LRP1B: variants seen among roughly 807,000 people sequenced by gnomAD.
LRP1B encodes LDL receptor related protein 1B.
In LRP1B, 217 loss-of-function variants were observed where a neutral mutation model predicts 556.6. That is an observed-to-expected ratio of 0.39 (90% confidence interval 0.35 to 0.44). The LOEUF (loss-of-function observed/expected upper bound fraction) is 0.44. Among genes scored for constraint, LRP1B ranks in the 20% least tolerant of loss-of-function variants. The pLI is 1.00. For synonymous variants in LRP1B, 2,047 were observed against 1,865.8 expected, an observed-to-expected ratio of 1.10 and a Z score of -2.50; for missense variants, 5,053 against 5,620.8, an observed-to-expected ratio of 0.90 and a Z score of 3.23.
chr2:141,793,530 C>A (rs193280930), intron 2 of LRP1B, among the ~76,000 whole-genome samples: 83 of 151,972 alleles, frequency 5.5e-4, no homozygotes, highest in Admixed American at 5.4e-3. Flanking sequence ...ATTTAAAAAT[C>A]ACTCAAAGTT....
At chr2:140,918,411 C>T (rs1226415784) in intron 21 of LRP1B, among the ~76,000 whole-genome samples, 1 of 151,962 alleles carries the variant, frequency 6.6e-6, no homozygotes, top group Admixed American at 6.6e-5. Flanking sequence ...TCTCACTCCT[C>T]AAATGCATGA....
At chr2:140,353,230 G>T (rs537933964) in intron 75 of LRP1B, among the ~76,000 whole-genome samples, 158 bp from the exon 76 acceptor site, 1 of 152,062 alleles carries the variant, frequency 6.6e-6, no homozygotes, top group African/African-American at 2.4e-5. Flanking sequence ...ATTTTTGAAG[G>T]TATAATCATT....
At chr2:140,573,203 AT>A (rs1681395409) in intron 43 of LRP1B, among the ~76,000 whole-genome samples, 1 of 151,918 alleles carries the variant, frequency 6.6e-6, no homozygotes, top group Non-Finnish European at 1.5e-5. Context: ...TAATTTCATC[AT>A]TACATACTGT....
At chr2:141,843,109 G>T (rs951504740) in intron 1 of LRP1B, among the ~76,000 whole-genome samples, 9 of 151,976 alleles carry the variant, frequency 5.9e-5, no homozygotes, top group African/African-American at 1.2e-4. Flanking sequence ...TCTTGAAAAA[G>T]CTCCTTAAAC....
chr2:141,517,126 C>T (rs754568591), intron 2 of LRP1B, among the ~76,000 whole-genome samples: 2 of 151,400 alleles, frequency 1.3e-5, no homozygotes, highest in African/African-American at 4.9e-5. Flanking sequence ...AATATGTCTA[C>T]CCTTTTATGT....
rs1694151078 is a variant in LRP1B at position 140,903,115 on chromosome 2, G to A, written c.3571C>T (p.Pro1191Ser). ...GGCSNHCSVV[P>S]GRGIVCSCPE... The stretch of plus-strand genomic sequence containing the variant: ...CAGGAACAGACAATTCCTCTTCCAG[G>A]AACAACAGAACAGTGGTTGCTACAG... Residue 1191 changes from proline (P) to serine (S), a missense_variant, in exon 23 of 91, where the codon CCT (proline) becomes TCT (serine). By Grantham distance (74) the Pro-to-Ser change is moderately conservative. Coordinates refer to ENST00000389484, the MANE Select transcript of LRP1B (RefSeq NM_018557.3). The A allele has an allele frequency of 2.5e-6, 4 of 1,613,436 alleles. No homozygotes were observed. The South Asian group carries it at 3.3e-5, about 13-fold the overall frequency.
chr2:141,838,313 T>C (rs1697359230), intron 1 of LRP1B, among the ~76,000 whole-genome samples: 1 of 152,136 alleles, frequency 6.6e-6, no homozygotes, highest in African/African-American at 2.4e-5. Context: ...TCCTGGCCTA[T>C]AGAGCCACTC....
chr2:141,907,943 C>T (rs2104946204), intron 1 of LRP1B, among the ~76,000 whole-genome samples: 1 of 152,100 alleles, frequency 6.6e-6, no homozygotes, highest in African/African-American at 2.4e-5. Context: ...TCTCTGACTT[C>T]TTCCTTCTAC....
chr2:140,814,452 A>G (rs1205933232), intron 31 of LRP1B, among the ~76,000 whole-genome samples: 2 of 152,198 alleles, frequency 1.3e-5, no homozygotes, highest in Non-Finnish European at 2.9e-5. Flanking sequence ...TAGTTAGTGG[A>G]CATTCCAGAT....
At chr2:140,854,811 TAGTA>T (rs1692565054) in intron 27 of LRP1B, among the ~76,000 whole-genome samples, 1 of 152,164 alleles carries the variant, frequency 6.6e-6, no homozygotes, top group South Asian at 2.1e-4. Flanking sequence ...TATAATTAGA[TAGTA>T]AGTAGCTATT....
intron 1 of LRP1B, among the ~76,000 whole-genome samples, chr2:142,079,424 C>T (rs1206637542): frequency 6.6e-6 from 1 of 152,114 alleles, no homozygotes; most frequent in East Asian, 1.9e-4. Flanking sequence ...CAACTAAGTG[C>T]TCAGGTTTGG....
intron 27 of LRP1B, among the ~76,000 whole-genome samples, chr2:140,861,390 G>C (rs1692794279): frequency 6.6e-6 from 1 of 152,198 alleles, no homozygotes; most frequent in African/African-American, 2.4e-5. Context: ...CTGAGAGACA[G>C]AGTGAGATTC....
rs116220759 is a variant in LRP1B, at chr2:140,524,665, G to A, written c.8026+1179C>T. On this transcript the variant is annotated intron_variant, in intron 49 of 90. Transcript: ENST00000389484. Reference sequence around the variant, plus strand: ...TTGCAGTAACATGAATGCAGCTCAAGAGCATTATCCTAAGTAAATCAATGC... The same window carrying A: ...TTGCAGTAACATGAATGCAGCTCAAAAGCATTATCCTAAGTAAATCAATGC... Among the ~76,000 whole-genome samples, 535 of 151,990 alleles carry A rather than the reference G, an allele frequency of 3.5e-3. 3 individuals carry two copies. The highest frequency in any genetic ancestry group is 0.012 in the African/African-American group (515 of 41,500).
At chr2:140,998,754 T>C (rs1401729405) in intron 15 of LRP1B, among the ~76,000 whole-genome samples, 1 of 152,112 alleles carries the variant, frequency 6.6e-6, no homozygotes, top group Non-Finnish European at 1.5e-5. Context: ...GAAACAGTCA[T>C]TGGTGTTTAG....
intron 1 of LRP1B, among the ~76,000 whole-genome samples, chr2:141,937,919 G>A (rs1038805608): frequency 3.9e-5 from 6 of 152,064 alleles, no homozygotes; most frequent in Non-Finnish European, 8.8e-5. Context: ...AGATAATCCA[G>A]TTTTCCTGAA....
At chr2:140,992,021 G>A (rs190333119) in intron 16 of LRP1B, among the ~76,000 whole-genome samples, 184 of 152,022 alleles carry the variant, frequency 1.2e-3, no homozygotes, top group African/African-American at 4.2e-3. Flanking sequence ...TATAAATATC[G>A]CTCTGAAAAT....
chr2:141,894,635 T>TTAGATCTAGATCTAGATC (rs6146947), intron 1 of LRP1B, among the ~76,000 whole-genome samples: 73 of 147,820 alleles, frequency 4.9e-4, no homozygotes, highest in African/African-American at 1.5e-3. Context: ...AATAGAATAT[T>TTAGATCTAGATCTAGATC]TAGATCTAGA....
At chr2:141,200,276 T>A (rs1325169466) in intron 6 of LRP1B, among the ~76,000 whole-genome samples, 2 of 151,916 alleles carry the variant, frequency 1.3e-5, no homozygotes. Flanking sequence ...CAAGATCATA[T>A]CCTTTGCAGT....
intron 11 of LRP1B, among the ~76,000 whole-genome samples, chr2:141,042,671 C>T (rs1363420233): frequency 2.6e-5 from 4 of 151,982 alleles, no homozygotes; most frequent in Non-Finnish European, 5.9e-5. Context: ...ATGCTGACCT[C>T]GGGGAGCTGT....
Sources: allele counts gnomAD v4.1 joint callset (sites outside exome capture counted in the v4.1 genomes callset), GRCh38; gene constraint gnomAD v4.1.1; transcripts MANE v1.5; gene names NCBI Gene and HGNC (gene_info 2026-07-23, HGNC 2026-07-21).